SPOCK3: variants seen among roughly 807,000 people sequenced by gnomAD.
SPOCK3 encodes SPARC (osteonectin), cwcv and kazal like domains proteoglycan 3, also known as testican-3.
In SPOCK3, 30 loss-of-function variants were observed where a neutral mutation model predicts 56.6. The observed-to-expected ratio is 0.53, with a 90% CI of 0.40 to 0.72. SPOCK3 has a LOEUF of 0.72. Ranked by LOEUF, SPOCK3 falls within the 30% of genes least tolerant of loss-of-function variation. SPOCK3 has a pLI of 0.00. For missense variants in SPOCK3, 527 were observed against 530.0 expected, an observed-to-expected ratio of 0.99 and a Z score of 0.06; for synonymous variants, 196 against 183.3, an observed-to-expected ratio of 1.07 and a Z score of -0.56.
At chr4:167,184,088 G>T (rs896460135) in intron 2 of SPOCK3, among the ~76,000 whole-genome samples, 1 of 152,102 alleles carries the variant, frequency 6.6e-6, no homozygotes, top group East Asian at 1.9e-4. Context: ...GAAAGAAATT[G>T]TTCTCTTTAT....
At chr4:166,876,579 T>G (rs1223695371) in intron 6 of SPOCK3, among the ~76,000 whole-genome samples, 1 of 152,022 alleles carries the variant, frequency 6.6e-6, no homozygotes, top group Non-Finnish European at 1.5e-5. Flanking sequence ...CTTGGCATTC[T>G]AGTTTTATTG....
chr4:166,767,657 T>G (rs1175309516), intron 7 of SPOCK3, among the ~76,000 whole-genome samples: 1 of 152,224 alleles, frequency 6.6e-6, no homozygotes, highest in Non-Finnish European at 1.5e-5. Flanking sequence ...GAGAAGAATG[T>G]ATATTCTGTT....
At chr4:167,223,529 G>A (rs1736279776) in intron 2 of SPOCK3, among the ~76,000 whole-genome samples, 1 of 151,846 alleles carries the variant, frequency 6.6e-6, no homozygotes, top group Admixed American at 6.6e-5. Context: ...AGTCTTTAGA[G>A]CCAAAATTCT....
intron 4 of SPOCK3, among the ~76,000 whole-genome samples, chr4:166,996,576 ATGC>A (rs1748404727): frequency 6.6e-6 from 1 of 152,176 alleles, no homozygotes; most frequent in Admixed American, 6.6e-5. Flanking sequence ...TTGGAAAAAC[ATGC>A]TGCAGCTAAA....
chr4:167,043,457 T>C (rs958655827), intron 3 of SPOCK3, among the ~76,000 whole-genome samples: 5 of 152,040 alleles, frequency 3.3e-5, no homozygotes, highest in African/African-American at 4.8e-5. Context: ...CCTTTTCTGT[T>C]TCATTGCATT....
intron 2 of SPOCK3, among the ~76,000 whole-genome samples, chr4:167,170,494 C>T (rs1431375120): frequency 6.6e-6 from 1 of 152,092 alleles, no homozygotes; most frequent in East Asian, 1.9e-4. Flanking sequence ...ATGGGAAAGG[C>T]ACTAATCTAG....
At chr4:167,157,491 G>GA (rs888179168) in intron 2 of SPOCK3, among the ~76,000 whole-genome samples, 1 of 151,160 alleles carries the variant, frequency 6.6e-6, no homozygotes. Context: ...TTGATCAACA[G>GA]AAAAAAATGA....
chr4:166,887,602 G>A (rs1238439917), intron 6 of SPOCK3, among the ~76,000 whole-genome samples: 1 of 152,078 alleles, frequency 6.6e-6, no homozygotes, highest in Non-Finnish European at 1.5e-5. Flanking sequence ...AGGTGGTACT[G>A]AAAGTCCTTA....
chr4:166,794,210 C>CAAAAAAAAAAAAAAAAAAA (rs10710162), intron 6 of SPOCK3, among the ~76,000 whole-genome samples: 2 of 73,612 alleles, frequency 2.7e-5, no homozygotes, highest in Non-Finnish European at 5.0e-5. Context: ...GGTGATAAGG[C>CAAAAAAAAAAAAAAAAAAA]AAAAAAAAAA....
intron 5 of SPOCK3, among the ~76,000 whole-genome samples, chr4:166,894,199 G>T (rs1735095207): frequency 6.6e-6 from 1 of 151,990 alleles, no homozygotes; most frequent in South Asian, 2.1e-4. Context: ...TTTCTCACCA[G>T]AAACTTGACT....
chr4:166,873,496 G>A (rs1327359668), intron 6 of SPOCK3, among the ~76,000 whole-genome samples: 1 of 152,116 alleles, frequency 6.6e-6, no homozygotes, highest in Admixed American at 6.6e-5. Flanking sequence ...GGCTATACAT[G>A]TGTGGATGTA....
At chr4:166,842,262 A>G (rs1747508509) in intron 6 of SPOCK3, among the ~76,000 whole-genome samples, 1 of 152,236 alleles carries the variant, frequency 6.6e-6, no homozygotes, top group Non-Finnish European at 1.5e-5. Context: ...TGGCTCTGGC[A>G]GCCTGCTTTT....
chr4:166,903,040 T>G (rs1736224189), intron 5 of SPOCK3, among the ~76,000 whole-genome samples: 2 of 149,500 alleles, frequency 1.3e-5, no homozygotes, highest in Admixed American at 1.3e-4. Context: ...GCTTGCTTCA[T>G]TTTGTTTATT....
At chr4:167,181,945 C>G (rs1731497836) in intron 2 of SPOCK3, among the ~76,000 whole-genome samples, 1 of 152,120 alleles carries the variant, frequency 6.6e-6, no homozygotes, top group Non-Finnish European at 1.5e-5. Flanking sequence ...TATCCCCACC[C>G]AGCACATGTG....
intron 3 of SPOCK3, among the ~76,000 whole-genome samples, chr4:167,019,067 G>C (rs1328346355): frequency 6.6e-6 from 1 of 151,888 alleles, no homozygotes; most frequent in East Asian, 1.9e-4. Context: ...GGATGCACCC[G>C]ACACACCACC....
intron 6 of SPOCK3, among the ~76,000 whole-genome samples, chr4:166,802,972 T>G (rs969344569): frequency 2.0e-5 from 3 of 152,198 alleles, no homozygotes; most frequent in African/African-American, 7.2e-5. Flanking sequence ...TGGAGTAGAG[T>G]CTGCGGTAGT....
chr4:166,915,658 C>T (rs1243251010), intron 4 of SPOCK3, among the ~76,000 whole-genome samples: 1 of 151,990 alleles, frequency 6.6e-6, no homozygotes, highest in Non-Finnish European at 1.5e-5. Flanking sequence ...AGCAAAGCAA[C>T]ATGATTAGGG....
chr4:167,184,981 C>A (rs13129111), intron 2 of SPOCK3, among the ~76,000 whole-genome samples: 4,679 of 152,242 alleles, frequency 0.031, 113 homozygotes, highest in Middle Eastern at 0.075. Flanking sequence ...AAACCCCCTG[C>A]CCCTCCCTAT....
chr4:167,222,549 T>A (rs1213516879), intron 2 of SPOCK3, among the ~76,000 whole-genome samples: 1 of 142,106 alleles, frequency 7.0e-6, no homozygotes, highest in Admixed American at 7.2e-5. Flanking sequence ...CATATATGAA[T>A]ATATAATATA....
Sources: allele counts gnomAD v4.1 joint callset (sites outside exome capture counted in the v4.1 genomes callset), GRCh38; gene constraint gnomAD v4.1.1; transcripts MANE v1.5; gene names NCBI Gene and HGNC (gene_info 2026-07-23, HGNC 2026-07-21).